The following ANXA4 variants were observed in gnomAD, a reference collection of about 807,000 sequenced individuals.
ANXA4 encodes the protein annexin A4, also known as 35-beta calcimedin.
ANXA4 carries 39 observed loss-of-function variants against 49.8 expected under a neutral mutation model. That is an observed-to-expected ratio of 0.78 (90% CI 0.61 to 1.02). The LOEUF (loss-of-function observed/expected upper bound fraction) is 1.02. ANXA4 is among the 50% of genes least tolerant of loss of function. The pLI, the probability that ANXA4 is intolerant of heterozygous loss-of-function variation, is 0.00. For missense variants in ANXA4, 360 were observed against 410.1 expected (o/e 0.88, Z 1.05); for synonymous variants, 134 against 152.5 (o/e 0.88, Z 0.89).
At chr2:69,800,268 C>T (rs1375997864) in intron 3 of ANXA4, among the ~76,000 whole-genome samples, 1 of 149,296 alleles carries the variant, frequency 6.7e-6, no homozygotes, top group Non-Finnish European at 1.5e-5. Context: ...ATAGGACCCA[C>T]CTTTTTTTTC....
rs112527006 is a variant in ANXA4 at position 69,777,125 on chromosome 2, G to A, written c.-46-4395G>A. 1.5e-3 allele frequency among the ~76,000 whole-genome samples: 230 copies of A among 152,320 alleles called. 1 individual carries two copies. Among genetic ancestry groups the A allele is most frequent in the African/African-American group, 5.0e-3 (209 of 41,562 alleles). ...TGGGGCACGTGGGGAGGGGCTCACA[G>A]CTTCCACGGCCTCTCCAGGCGCACG... On this transcript the variant is annotated intron_variant, in intron 1 of 12. Transcript: ENST00000394295.
upstream of ANXA4, among the ~76,000 whole-genome samples, chr2:69,644,167 C>CA (rs878897497): frequency 2.1e-4 from 4 of 18,940 alleles, no homozygotes; most frequent in Non-Finnish European, 1.2e-3. Flanking sequence ...AACTAAGTTC[C>CA]CCCCCCCCCC....
chr2:69,766,682 A>T (rs1007891122), intron 1 of ANXA4, among the ~76,000 whole-genome samples: 1 of 152,184 alleles, frequency 6.6e-6, no homozygotes, highest in Admixed American at 6.5e-5. Flanking sequence ...TCTCATCAGA[A>T]GGGTGGCATA....
At chr2:69,678,795 A>G (rs1479825385) in intron 2 of ANXA4, among the ~76,000 whole-genome samples, 1 of 152,198 alleles carries the variant, frequency 6.6e-6, no homozygotes, top group African/African-American at 2.4e-5. Flanking sequence ...TTAACCAAGT[A>G]CTAGTTACTA....
chr2:69,704,262 G>A (rs1042080585), intron 2 of ANXA4, among the ~76,000 whole-genome samples: 12 of 151,896 alleles, frequency 7.9e-5, no homozygotes, highest in Non-Finnish European at 7.4e-5. Context: ...TATTTAAATG[G>A]GATCTTTTCT....
At chr2:69,820,021 T>C (rs1674162267) in intron 11 of ANXA4, among the ~76,000 whole-genome samples, 1 of 150,824 alleles carries the variant, frequency 6.6e-6, no homozygotes, top group African/African-American at 2.4e-5. Context: ...TGAGCTGAAA[T>C]TGCACTACTG....
intron 8 of ANXA4, chr2:69,814,777 TGTGTGTGTGTGTGTGTGAGAGA>T (rs1558523992): frequency 2.0e-5 from 2 of 101,698 alleles, no homozygotes; most frequent in African/African-American, 1.5e-4. Context: ...TGTGTGTGTG[TGTGTGTGTGTGTGTGTGAGAGA>T]AAGAGAGAGA....
intron 2 of ANXA4, among the ~76,000 whole-genome samples, chr2:69,715,183 C>A (rs933304074): frequency 6.6e-6 from 1 of 152,148 alleles, no homozygotes; most frequent in African/African-American, 2.4e-5. Context: ...CTGCCTCAAG[C>A]AAATCATGGT....
upstream of ANXA4, among the ~76,000 whole-genome samples, chr2:69,741,355 G>A (rs115862356): frequency 9.7e-3 from 1,482 of 152,334 alleles, 20 homozygotes; most frequent in African/African-American, 0.032. Context: ...GCGTCCAGCA[G>A]GGGAAGCAGA....
chr2:69,805,415 C>G (rs1024155527), intron 4 of ANXA4, among the ~76,000 whole-genome samples: 1 of 151,956 alleles, frequency 6.6e-6, no homozygotes, highest in Non-Finnish European at 1.5e-5. Flanking sequence ...ACCAGCCTGA[C>G]CAACATGGTG....
intron 6 of ANXA4, chr2:69,808,748 A>C (rs1673565094): frequency 6.6e-6 from 1 of 151,688 alleles, no homozygotes; most frequent in African/African-American, 2.4e-5. Context: ...TGCAACCTCG[A>C]CCTCCTGGGC....
At chr2:69,739,429 G>A (rs1670328288), upstream of ANXA4, among the ~76,000 whole-genome samples, 1 of 151,682 alleles carries the variant, frequency 6.6e-6, no homozygotes, top group African/African-American at 2.4e-5. Context: ...GGGGTGGGGT[G>A]GGGACAGAGT....
rs111857516 is a variant in ANXA4, at chr2:69,729,286, A to G, written n.864+8415A>G. 4.4e-3 allele frequency among the ~76,000 whole-genome samples: 675 copies of G among 152,332 alleles called. 4 individuals carry two copies. The highest frequency in any genetic ancestry group is 0.016 in the African/African-American group (649 of 41,564). On this transcript the variant is annotated intron_variant and non_coding_transcript_variant, in intron 3 of 3. Coordinates refer to the ANXA4 transcript ENST00000418066. ...GCCTCAGCCTCCCAAAAGTGCTGGG[A>G]TTACAGGTGTGAGCCACCATGCACG...
intron 1 of ANXA4, among the ~76,000 whole-genome samples, chr2:69,645,608 G>A (rs1675980219): frequency 6.6e-6 from 1 of 152,100 alleles, no homozygotes; most frequent in Admixed American, 6.6e-5. Context: ...ACTAGTCCAG[G>A]CTTACACAAA....
At chr2:69,733,905 G>A (rs1004189295) in intron 3 of ANXA4, among the ~76,000 whole-genome samples, 1 of 151,432 alleles carries the variant, frequency 6.6e-6, no homozygotes, top group African/African-American at 2.4e-5. Flanking sequence ...CATCCTTGAA[G>A]GTTGAAAACT....
At position 69,819,028 on chromosome 2, in the gene ANXA4, T is replaced by C. The variant is rs185355090; in HGVS notation, c.725-252T>C. ...AGATACAGTAATCCTTATTTTGAAA[T>C]GAAATACCACCCTTTGCTTTGATAG... is the stretch of plus-strand genomic sequence containing the variant. On this transcript the variant is annotated intron_variant, in intron 10 of 12. Transcript: ENST00000394295. 5.3e-5 allele frequency among the ~76,000 whole-genome samples: 8 copies of C among 152,334 alleles called. No individual in the cohort carries two copies. In the East Asian group the frequency reaches 1.2e-3, roughly 22 times the overall value.
chr2:69,730,586 A>G (rs1398854446), intron 3 of ANXA4, among the ~76,000 whole-genome samples: 1 of 152,186 alleles, frequency 6.6e-6, no homozygotes, highest in Non-Finnish European at 1.5e-5. Context: ...AATGTTCTTC[A>G]GCTGTGACAT....
intron 2 of ANXA4, among the ~76,000 whole-genome samples, chr2:69,705,060 A>G (rs935995311): frequency 1.3e-5 from 2 of 152,036 alleles, no homozygotes; most frequent in Non-Finnish European, 2.9e-5. Flanking sequence ...CTGAGGGAGG[A>G]GGATCACTGG....
At chr2:69,769,566 T>C (rs753340709) in intron 1 of ANXA4, among the ~76,000 whole-genome samples, 77 of 152,350 alleles carry the variant, frequency 5.1e-4, no homozygotes, top group Non-Finnish European at 9.1e-4. Flanking sequence ...CTCCTTCCCC[T>C]GCCTTTTAGA....
Sources: gnomAD v4.1 joint callset for allele counts (sites outside exome capture counted in the v4.1 genomes callset) on GRCh38, gnomAD v4.1.1 for gene constraint, MANE v1.5 for transcripts, NCBI Gene and HGNC (gene_info 2026-07-23, HGNC 2026-07-21) for gene names.